PARD3: variants seen among roughly 807,000 people sequenced by gnomAD.
PARD3 encodes par-3 family cell polarity regulator, also known as partitioning defective 3 homolog.
Under a neutral mutation model 155.4 loss-of-function variants are expected in PARD3, and 75 were observed. That is an observed-to-expected ratio of 0.48 (90% CI 0.40 to 0.58). The LOEUF is 0.58. Among genes scored for constraint, PARD3 ranks in the 20% least tolerant of loss-of-function variants. The probability of loss-of-function intolerance (pLI) is 0.00; values close to 1 mark genes in which losing one functional copy is unlikely to be tolerated. For synonymous variants in PARD3, 576 were observed against 610.5 expected, an observed-to-expected ratio of 0.94 and a Z score of 0.83; for missense variants, 1,642 against 1,721.7, an observed-to-expected ratio of 0.95 and a Z score of 0.82.
intron 20 of PARD3, among the ~76,000 whole-genome samples, chr10:34,294,198 G>C (rs542263459): frequency 6.6e-6 from 1 of 152,182 alleles, no homozygotes; most frequent in Non-Finnish European, 1.5e-5. Flanking sequence ...ACAAACACAC[G>C]CACAAGGTAA....
intron 16 of PARD3, among the ~76,000 whole-genome samples, chr10:34,340,183 C>CTA (rs2134300330): frequency 6.6e-6 from 1 of 152,320 alleles, no homozygotes; most frequent in Admixed American, 6.5e-5. Context: ...ATGCCACAAT[C>CTA]TATCCCTTCT....
At chr10:34,626,147 A>G (rs1260736588) in intron 2 of PARD3, among the ~76,000 whole-genome samples, 1 of 152,216 alleles carries the variant, frequency 6.6e-6, no homozygotes, top group African/African-American at 2.4e-5. Flanking sequence ...CCAAAAAGAA[A>G]GGAGGACCTG....
intron 3 of PARD3, among the ~76,000 whole-genome samples, chr10:34,494,180 A>G (rs932027605): frequency 3.3e-5 from 5 of 152,224 alleles, no homozygotes; most frequent in Admixed American, 6.5e-5. Flanking sequence ...GGAAACACCT[A>G]CTGAAGAAAC....
chr10:34,726,595 C>A (rs2081142560), intron 1 of PARD3, among the ~76,000 whole-genome samples: 2 of 151,992 alleles, frequency 1.3e-5, no homozygotes, highest in African/African-American at 4.8e-5. Flanking sequence ...AACACACACA[C>A]ACAAACACAT....
chr10:34,350,820 T>C (rs950411993), intron 14 of PARD3, among the ~76,000 whole-genome samples: 2 of 152,210 alleles, frequency 1.3e-5, no homozygotes, highest in Non-Finnish European at 2.9e-5. Flanking sequence ...GGAAAGTCTT[T>C]CTACCTATTA....
intron 22 of PARD3, among the ~76,000 whole-genome samples, chr10:34,251,759 A>T (rs1954323397): frequency 6.6e-6 from 1 of 152,156 alleles, no homozygotes; most frequent in African/African-American, 2.4e-5. Context: ...GTTTAACTGC[A>T]TTTTGCTGAC....
intron 1 of PARD3, among the ~76,000 whole-genome samples, chr10:34,754,053 T>C (rs1836397530): frequency 6.6e-6 from 1 of 152,204 alleles, no homozygotes; most frequent in Non-Finnish European, 1.5e-5. Flanking sequence ...GTCTCCTTGT[T>C]GCCCAGGCTG....
At chr10:34,519,979 T>A (rs544047287) in intron 2 of PARD3, among the ~76,000 whole-genome samples, 1 of 152,170 alleles carries the variant, frequency 6.6e-6, no homozygotes, top group Non-Finnish European at 1.5e-5. Context: ...ACCTAGCAAC[T>A]CAGCTTAGCC....
intron 20 of PARD3, among the ~76,000 whole-genome samples, chr10:34,289,027 T>C (rs1045527055): frequency 4.3e-4 from 66 of 152,114 alleles, no homozygotes; most frequent in African/African-American, 1.5e-3. Flanking sequence ...AGTGGTGCAA[T>C]CCAATCTCAG....
intron 22 of PARD3, among the ~76,000 whole-genome samples, chr10:34,147,099 A>G (rs1044129393): frequency 6.6e-6 from 1 of 152,166 alleles, no homozygotes; most frequent in African/African-American, 2.4e-5. Context: ...TTAACTTAAA[A>G]AAAAAAAACT....
intron 5 of PARD3, among the ~76,000 whole-genome samples, chr10:34,445,027 T>C (rs2076665634): frequency 6.6e-6 from 1 of 151,984 alleles, no homozygotes; most frequent in African/African-American, 2.4e-5. Flanking sequence ...CCATCAGTTC[T>C]ACCCTGGTGT....
chr10:34,511,180 G>T (rs961799587), intron 3 of PARD3, among the ~76,000 whole-genome samples: 1 of 152,154 alleles, frequency 6.6e-6, no homozygotes, highest in African/African-American at 2.4e-5. Flanking sequence ...GTGTTCACAT[G>T]CTTCTCAGGG....
intron 2 of PARD3, among the ~76,000 whole-genome samples, chr10:34,606,762 G>A (rs1429670228): frequency 6.6e-6 from 1 of 151,690 alleles, no homozygotes; most frequent in African/African-American, 2.4e-5. Context: ...AAGGTCAAGA[G>A]ATCGAGACCA....
chr10:34,505,485 C>A (rs902202458), intron 3 of PARD3, among the ~76,000 whole-genome samples: 1 of 152,136 alleles, frequency 6.6e-6, no homozygotes, highest in African/African-American at 2.4e-5. Flanking sequence ...CACAGGGGGT[C>A]CAGTAGCACA....
intron 22 of PARD3, among the ~76,000 whole-genome samples, chr10:34,249,289 G>A (rs2133721528): frequency 6.6e-6 from 1 of 152,224 alleles, no homozygotes; most frequent in East Asian, 1.9e-4. Context: ...TGGGATTACA[G>A]GCATGAGCCA....
chr10:34,471,292 G>C (rs894288391), intron 3 of PARD3, among the ~76,000 whole-genome samples: 2 of 152,130 alleles, frequency 1.3e-5, no homozygotes, highest in African/African-American at 4.8e-5. Context: ...ACACTCAGGT[G>C]AACATTTGTA....
intron 1 of PARD3, among the ~76,000 whole-genome samples, chr10:34,803,968 T>G (rs1843080164): frequency 1.3e-5 from 2 of 152,004 alleles, no homozygotes; most frequent in African/African-American, 4.8e-5. Flanking sequence ...GCCACCACCT[T>G]CCAGATGCAG....
At chr10:34,544,130 C>T (rs1027216951) in intron 2 of PARD3, among the ~76,000 whole-genome samples, 4 of 152,072 alleles carry the variant, frequency 2.6e-5, no homozygotes, top group African/African-American at 9.7e-5. Flanking sequence ...TAAAAGGATC[C>T]TAGCCTAACT....
At chr10:34,523,485 G>A (rs1311884544) in intron 2 of PARD3, among the ~76,000 whole-genome samples, 2 of 152,172 alleles carry the variant, frequency 1.3e-5, no homozygotes, top group African/African-American at 2.4e-5. Flanking sequence ...AAAACATGTT[G>A]GAGAATACTA....
Sources: allele counts gnomAD v4.1 joint callset (sites outside exome capture counted in the v4.1 genomes callset), GRCh38; gene constraint gnomAD v4.1.1; transcripts MANE v1.5; gene names NCBI Gene and HGNC (gene_info 2026-07-23, HGNC 2026-07-21).